NPAS2: variants seen among roughly 807,000 people sequenced by gnomAD.
NPAS2 encodes the protein neuronal PAS domain-containing protein 2.
NPAS2 carries 23 observed loss-of-function variants against 107.5 expected under a neutral mutation model. The observed-to-expected ratio is 0.21, with a 90% confidence interval of 0.15 to 0.30. The LOEUF is 0.30. NPAS2 is among the 10% of genes least tolerant of loss of function. The pLI is 1.00. For missense variants in NPAS2, 756 were observed against 1,043.3 expected (o/e 0.72, Z 3.79); for synonymous variants, 403 against 417.5 (o/e 0.97, Z 0.42).
intron 4 of NPAS2, chr2:100,934,850 T>G (rs1684198453): frequency 1.0e-6 from 1 of 985,312 alleles, no homozygotes. Context: ...ATCTCTCTGT[T>G]TTTTTTCAGA....
intron 7 of NPAS2, among the ~76,000 whole-genome samples, chr2:100,960,118 A>G: frequency 6.6e-6 from 1 of 152,142 alleles, no homozygotes; most frequent in East Asian, 1.9e-4. Flanking sequence ...TGAGGCAGAC[A>G]TGATTCATTC....
intron 18 of NPAS2, 137 bp downstream of exon 18, chr2:100,990,583 C>CA: frequency 9.2e-7 from 1 of 1,091,960 alleles, no homozygotes; most frequent in Non-Finnish European, 1.3e-6. Context: ...GCTAAGGAAG[C>CA]AGAGGACAGG....
chr2:100,877,727 G>A (rs1241395162), intron 1 of NPAS2, among the ~76,000 whole-genome samples: 1 of 152,112 alleles, frequency 6.6e-6, no homozygotes, highest in Non-Finnish European at 1.5e-5. Flanking sequence ...AACCTTCATT[G>A]GTCAATTGAA....
intron 12 of NPAS2, among the ~76,000 whole-genome samples, chr2:100,971,453 C>T (rs541166711): frequency 2.6e-5 from 4 of 152,178 alleles, no homozygotes; most frequent in Non-Finnish European, 4.4e-5. Context: ...GAGTTCCTCC[C>T]TCCCCGGCTG....
At chr2:100,840,426 G>T (rs1436742742) in intron 1 of NPAS2, among the ~76,000 whole-genome samples, 2 of 152,130 alleles carry the variant, frequency 1.3e-5, no homozygotes, top group Admixed American at 1.3e-4. Flanking sequence ...TGAAGGACAG[G>T]AAGCCTCTGC....
chr2:100,965,915 G>A lies in NPAS2; in HGVS notation c.907+149G>A. The A allele has an allele frequency of 1.7e-6, 1 of 584,224 alleles. No homozygotes were observed. Among genetic ancestry groups the A allele is most frequent in the East Asian group, 2.8e-5 (1 of 35,144 alleles). The allele number at this position is 584,224 out of a possible 1,614,324, so 36.2% of individuals were successfully genotyped here. A position where few individuals can be genotyped will look rare whatever the true frequency, so the allele number is the denominator to read the frequency against. ...TTGGTTTTCTCTGAGATGATCTGGG[G>A]GCATGGTGGAGGCCCCTTATCCGCG... is the stretch of plus-strand genomic sequence containing the variant. On this transcript the variant is annotated intron_variant, in intron 10 of 20. Transcript: ENST00000335681. This position sits in a 1 kb window ranked among gnomAD's most constrained non-coding sequence, Gnocchi z 4.3.
intron 1 of NPAS2, among the ~76,000 whole-genome samples, chr2:100,845,484 C>G (rs1219156016): frequency 1.3e-5 from 2 of 152,116 alleles, no homozygotes; most frequent in Non-Finnish European, 2.9e-5. Context: ...AACAACAGAC[C>G]CAGCACACCG....
chr2:100,881,793 G>A (rs1368758474), intron 1 of NPAS2, among the ~76,000 whole-genome samples: 1 of 152,160 alleles, frequency 6.6e-6, no homozygotes, highest in Non-Finnish European at 1.5e-5. Flanking sequence ...TGTTTGACAG[G>A]GGAGGAAGTC....
intron 12 of NPAS2, among the ~76,000 whole-genome samples, chr2:100,973,648 A>C (rs1319315066): frequency 6.6e-6 from 1 of 152,182 alleles, no homozygotes; most frequent in African/African-American, 2.4e-5. Context: ...GCCGTGACAC[A>C]AAAGACAAAA....
intron 1 of NPAS2, chr2:100,878,023 G>T: frequency 1.0e-6 from 1 of 985,428 alleles, no homozygotes; most frequent in Non-Finnish European, 1.2e-6. Context: ...GCTAATACCA[G>T]AGTGCTGTTC....
intron 16 of NPAS2, chr2:100,983,773 GC>G (rs1032814086): frequency 2.0e-5 from 3 of 152,228 alleles, no homozygotes; most frequent in Non-Finnish European, 4.4e-5. Context: ...GTAAAAAGTG[GC>G]TTTTGACTTA....
In NPAS2 at chr2:100,932,959, T is replaced by A; in HGVS notation, c.231T>A (p.Pro77=). ...EICDIQQDWK[P]SFLSNEEFTQ... Reference sequence around the variant, plus strand: ...GTGACATTCAGCAAGACTGGAAGCCTTCATTCCTCAGTAATGAAGAATTCA... The same window carrying A: ...GTGACATTCAGCAAGACTGGAAGCCATCATTCCTCAGTAATGAAGAATTCA... The change falls in exon 4 of 21, where the codon CCT becomes CCA. Residue 77 remains proline, a synonymous_variant. Coordinates refer to ENST00000335681, the MANE Select transcript of NPAS2 (RefSeq NM_002518.4). 6.2e-7 allele frequency: 1 copy of A among 1,614,142 alleles called. No individual in the cohort carries two copies. Among genetic ancestry groups the A allele is most frequent in the Non-Finnish European group, 8.5e-7 (1 of 1,179,948 alleles).
chr2:100,830,373 G>T (rs1168700430), intron 1 of NPAS2, among the ~76,000 whole-genome samples: 1 of 151,912 alleles, frequency 6.6e-6, no homozygotes, highest in Non-Finnish European at 1.5e-5. Context: ...TGCACAATGC[G>T]CAGGTTAGTT....
At chr2:100,858,829 G>C (rs772337463) in intron 1 of NPAS2, among the ~76,000 whole-genome samples, 1 of 152,034 alleles carries the variant, frequency 6.6e-6, no homozygotes. Flanking sequence ...TGCACGCCCC[G>C]TCCTGTTTAT....
chr2:100,844,975 G>T (rs1199535866), intron 1 of NPAS2, among the ~76,000 whole-genome samples: 1 of 152,100 alleles, frequency 6.6e-6, no homozygotes, highest in Non-Finnish European at 1.5e-5. Flanking sequence ...TGAGGGTGTC[G>T]GCCACCAGCA....
intron 1 of NPAS2, among the ~76,000 whole-genome samples, chr2:100,825,609 T>C (rs574299523): frequency 1.3e-5 from 2 of 152,282 alleles, no homozygotes; most frequent in East Asian, 3.9e-4. Flanking sequence ...CTCTGGAGGT[T>C]TATCAGATTG....
In NPAS2 at chr2:100,976,586, T is replaced by A. The variant is rs1677024782; in HGVS notation, c.1392+1019T>A. ...CAAACCCCTCCCACCCACACTTCAC[T>A]GTCACTTTGGAGATGGAGTGAACGT... On this transcript the variant is annotated intron_variant, in intron 14 of 20. Transcript: ENST00000335681. This position sits in a 1 kb window ranked among gnomAD's most constrained non-coding sequence, Gnocchi z 4.1. 6.6e-6 allele frequency: 1 copy of A among 152,184 alleles called. No homozygotes were observed. Among genetic ancestry groups the A allele is most frequent in the Non-Finnish European group, 1.5e-5 (1 of 68,076 alleles). 9.4% of individuals were successfully genotyped at this position (152,184 alleles called of 1,614,324 possible).
rs751476774 is a variant in NPAS2 at position 100,988,191 on chromosome 2, C to A, written c.1742C>A (p.Ala581Glu). 6.2e-7 allele frequency: 1 copy of A among 1,614,162 alleles called. No homozygotes were observed. Among genetic ancestry groups the A allele is most frequent in the Non-Finnish European group, 8.5e-7 (1 of 1,180,014 alleles). The change falls in exon 17 of 21, where the codon GCG (alanine) becomes GAG (glutamate). Residue 581 changes from alanine to glutamate, a missense_variant. Coordinates refer to ENST00000335681, the MANE Select transcript of NPAS2 (RefSeq NM_002518.4). ...GCAGTGACTCAGCCCCAGCTCGGGG[C>A]GGGCCCCCAACTTCCAGGGCAGATC... ...SAAVTQPQLGAGPQLPGQISS... is the reference protein window; with the variant it reads ...SAAVTQPQLGEGPQLPGQISS...
At chr2:100,920,441 A>G (rs1405063419) in intron 2 of NPAS2, among the ~76,000 whole-genome samples, 2 of 152,184 alleles carry the variant, frequency 1.3e-5, no homozygotes, top group Non-Finnish European at 2.9e-5. Context: ...ACTGGAAGGT[A>G]ACCTGTGCCC....
Sources: gnomAD v4.1 joint callset for allele counts (sites outside exome capture counted in the v4.1 genomes callset) on GRCh38, gnomAD v4.1.1 for gene constraint, Gnocchi (gnomAD v3.1) non-coding constraint, MANE v1.5 for transcripts, NCBI Gene and HGNC (gene_info 2026-07-23, HGNC 2026-07-21) for gene names.